FAT4: variants seen among roughly 807,000 people sequenced by gnomAD.
The protein encoded by FAT4 is FAT atypical cadherin 4, also known as protocadherin Fat 4.
In FAT4, 84 loss-of-function variants were observed where a neutral mutation model predicts 303.9. That is an observed-to-expected ratio of 0.28 (90% CI 0.23 to 0.33). The LOEUF (loss-of-function observed/expected upper bound fraction) is 0.33, where lower values mean the gene tolerates loss of function less well. FAT4 is among the 10% of genes least tolerant of loss of function. The pLI, the probability that FAT4 is intolerant of heterozygous loss-of-function variation, is 1.00. For missense variants in FAT4, 6,005 were observed against 6,146.8 expected (o/e 0.98, Z 0.77); for synonymous variants, 2,307 against 2,298.8 (o/e 1.00, Z -0.10).
At chr4:125,389,937 T>C (rs769533769) in intron 2 of FAT4, among the ~76,000 whole-genome samples, 2 of 152,176 alleles carry the variant, frequency 1.3e-5, no homozygotes, top group Admixed American at 6.6e-5. Flanking sequence ...TATGAGTCAC[T>C]TGCAAACCAT....
chr4:125,375,980 G>A (rs1733298738), intron 2 of FAT4, among the ~76,000 whole-genome samples: 1 of 152,192 alleles, frequency 6.6e-6, no homozygotes, highest in South Asian at 2.1e-4. Context: ...CTGACTAATA[G>A]CGTCAAGACT....
chr4:125,326,916 T>C (rs1374362478), intron 2 of FAT4, among the ~76,000 whole-genome samples: 1 of 152,070 alleles, frequency 6.6e-6, no homozygotes, highest in African/African-American at 2.4e-5. Context: ...TCCCAGCTAC[T>C]TGGGAGGCTG....
Position 125,454,500 on chromosome 4 carries a change from T to A in FAT4, c.11800+1690T>A, listed in dbSNP as rs368845569. ...ACAAAATGGGAATAATCATAAGTAC[T>A]TTCAGGGTTTTTGTAATGAGTAAAT... is the stretch of plus-strand genomic sequence containing the variant. On this transcript the variant is annotated intron_variant, in intron 10 of 17. Coordinates refer to ENST00000394329, the MANE Select transcript of FAT4 (RefSeq NM_001291303.3). Among the ~76,000 whole-genome samples, 32 of 152,080 alleles carry A rather than the reference T, an allele frequency of 2.1e-4. 1 individual carries two copies. The East Asian group carries it at 5.6e-3, about 27-fold the overall frequency.
rs779123731 is a variant in FAT4 at position 125,477,315 on chromosome 4, G to A, written c.12460G>A (p.Ala4154Thr). 2 of 1,582,574 alleles carry A rather than the reference G, an allele frequency of 1.3e-6. No individual in the cohort carries two copies. The highest frequency in any genetic ancestry group is 1.8e-5 in the Admixed American group (1 of 57,114). The part of the protein sequence containing the change: ...RPLEPSQALA[A>T]QGILDQCPRL... ...TCTGGAACCCAGCCAAGCTTTGGCAGCACAAGGCATCCTAGATCAGTATGG... is the reference window on the plus strand; with the variant it reads ...TCTGGAACCCAGCCAAGCTTTGGCAACACAAGGCATCCTAGATCAGTATGG... The change falls in exon 14 of 18, where the codon GCA (alanine) becomes ACA (threonine). Residue 4154 changes from alanine (A) to threonine (T), a missense_variant. Ala to Thr is a moderately conservative substitution (Grantham distance 58, BLOSUM62 0). Coordinates refer to ENST00000394329, the MANE Select transcript of FAT4 (RefSeq NM_001291303.3).
At position 125,480,934 on chromosome 4, in the gene FAT4, G is replaced by A. The variant is rs181545040; in HGVS notation, c.12605-587G>A. ...TATTCTTTCTTTAGCTATATTATTT[G>A]TTTCTATAACTTAAGCTTCAATATT... On this transcript the variant is annotated intron_variant, in intron 15 of 17. Transcript: ENST00000394329. Among the ~76,000 whole-genome samples, 435 of 151,710 alleles carry A rather than the reference G, an allele frequency of 2.9e-3. 6 individuals are homozygous for A. Among genetic ancestry groups the A allele is most frequent in the African/African-American group, 1.0e-2 (412 of 41,398 alleles).
intron 8 of FAT4, among the ~76,000 whole-genome samples, chr4:125,438,940 T>C (rs1208807700): frequency 6.6e-6 from 1 of 152,214 alleles, no homozygotes; most frequent in Non-Finnish European, 1.5e-5. Context: ...TAAACTTTTA[T>C]GTGTCTTATA....
At chr4:125,397,107 C>T (rs1167296850) in intron 2 of FAT4, among the ~76,000 whole-genome samples, 1 of 151,936 alleles carries the variant, frequency 6.6e-6, no homozygotes, top group African/African-American at 2.4e-5. Flanking sequence ...TTCTCTGGCT[C>T]TAAGAAGCTT....
chr4:125,462,963 G>A (rs1182170466), intron 10 of FAT4, among the ~76,000 whole-genome samples: 2 of 151,896 alleles, frequency 1.3e-5, no homozygotes, highest in Non-Finnish European at 2.9e-5. Context: ...AAAATATGCT[G>A]TTTAGGTATT....
rs768120059 is a variant in FAT4 at position 125,416,431 on chromosome 4, T to C, written c.6844-17T>C. The C allele has an allele frequency of 1.8e-5, 29 of 1,607,112 alleles. No individual in the cohort carries two copies. The South Asian group carries it at 2.8e-4, about 15-fold the overall frequency. Reference sequence around the variant, plus strand: ...ATTGTTTGTTTTACTCACATCTTGGTATGTACTGTTCTACAGGTGGTGGCA... The same window carrying C: ...ATTGTTTGTTTTACTCACATCTTGGCATGTACTGTTCTACAGGTGGTGGCA... On this transcript the variant is annotated splice_polypyrimidine_tract_variant and intron_variant, in intron 6 of 17. Transcript: ENST00000394329.
At chr4:125,431,671 A>G (rs1164444739) in intron 7 of FAT4, among the ~76,000 whole-genome samples, 1 of 152,094 alleles carries the variant, frequency 6.6e-6, no homozygotes, top group Non-Finnish European at 1.5e-5. Context: ...TTCTCATTTT[A>G]TGGATGAAGA....
chr4:125,473,857 G>C (rs1014853668), intron 12 of FAT4, among the ~76,000 whole-genome samples: 2 of 151,878 alleles, frequency 1.3e-5, no homozygotes, highest in Non-Finnish European at 2.9e-5. Context: ...AAAAAACTCT[G>C]TCATTATTAC....
intron 7 of FAT4, among the ~76,000 whole-genome samples, chr4:125,417,289 C>T (rs777536933): frequency 1.2e-4 from 19 of 152,086 alleles, no homozygotes; most frequent in Non-Finnish European, 2.5e-4. Flanking sequence ...AACCACTTCT[C>T]TTCTGATAGA....
At chr4:125,425,769 T>A (rs1224194408) in intron 7 of FAT4, among the ~76,000 whole-genome samples, 1 of 152,192 alleles carries the variant, frequency 6.6e-6, no homozygotes, top group Non-Finnish European at 1.5e-5. Flanking sequence ...CCTTTATCCT[T>A]TATAGATAAT....
chr4:125,388,617 A>G (rs1353556833), intron 2 of FAT4, among the ~76,000 whole-genome samples: 1 of 152,146 alleles, frequency 6.6e-6, no homozygotes, highest in Non-Finnish European at 1.5e-5. Context: ...TTCTGCATTT[A>G]CTTTTGAGCA....
intron 2 of FAT4, among the ~76,000 whole-genome samples, chr4:125,393,595 A>T (rs547172135): frequency 6.6e-6 from 1 of 151,732 alleles, no homozygotes; most frequent in Non-Finnish European, 1.5e-5. Flanking sequence ...TGCATATTAT[A>T]AAAAAAAGAG....
chr4:125,442,723 A>G (rs968872995), intron 8 of FAT4, among the ~76,000 whole-genome samples: 1 of 152,164 alleles, frequency 6.6e-6, no homozygotes, highest in Non-Finnish European at 1.5e-5. Context: ...TATTCTATCC[A>G]GAGAAATCCA....
chr4:125,398,038 C>T (rs1734247977), intron 2 of FAT4, among the ~76,000 whole-genome samples: 1 of 152,100 alleles, frequency 6.6e-6, no homozygotes, highest in Non-Finnish European at 1.5e-5. Flanking sequence ...GCACCTAACT[C>T]AAAAGAGAAA....
Position 125,317,625 on chromosome 4 carries a change from G to T in FAT4, c.1214G>T (p.Arg405Leu), listed in dbSNP as rs765166486. The part of the protein sequence containing the change: ...SVQILGGNEQ[R>L]HFEVQSSKVP... ...CAAATTCTCGGGGGCAATGAGCAGC[G>T]CCACTTTGAAGTGCAAAGCAGCAAA... Residue 405 changes from arginine to leucine, a missense_variant, in exon 2 of 18, where the codon CGC becomes CTC. Coordinates refer to ENST00000394329, the MANE Select transcript of FAT4 (RefSeq NM_001291303.3). The surrounding 1 kb of genome is among the most constrained non-coding windows in gnomAD (Gnocchi z 7.0). The T allele has an allele frequency of 6.2e-7, 1 of 1,613,838 alleles. No homozygotes were observed. The highest frequency in any genetic ancestry group is 1.7e-5 in the Admixed American group (1 of 59,986).
chr4:125,491,527 C>T lies in FAT4; in HGVS notation c.14711C>T (p.Pro4904Leu). The T allele has an allele frequency of 6.2e-7, 1 of 1,614,174 alleles. No individual in the cohort carries two copies. Among genetic ancestry groups the T allele is most frequent in the Non-Finnish European group, 8.5e-7 (1 of 1,180,034 alleles). ...RYHGRRAEGGPVGTQAAAPGT... is the reference protein window; with the variant it reads ...RYHGRRAEGGLVGTQAAAPGT... ...CACGGTCGCAGGGCCGAGGGAGGACCTGTGGGCACCCAGGCAGCAGCACCA... is the reference window on the plus strand; with the variant it reads ...CACGGTCGCAGGGCCGAGGGAGGACTTGTGGGCACCCAGGCAGCAGCACCA... The change falls in exon 18 of 18, where the codon CCT (proline) becomes CTT (leucine). Residue 4904 changes from proline (P) to leucine (L), a missense_variant. Physicochemically the swap from Pro to Leu is moderately conservative, Grantham distance 98 (BLOSUM62 -3). Coordinates refer to ENST00000394329, the MANE Select transcript of FAT4 (RefSeq NM_001291303.3).
Sources: gnomAD v4.1 joint callset for allele counts (sites outside exome capture counted in the v4.1 genomes callset) on GRCh38, gnomAD v4.1.1 for gene constraint, Gnocchi (gnomAD v3.1) non-coding constraint, MANE v1.5 for transcripts, NCBI Gene and HGNC (gene_info 2026-07-23, HGNC 2026-07-21) for gene names.